TBC1D9B: variants seen among roughly 807,000 people sequenced by gnomAD.
TBC1D9B encodes the protein TBC1 domain family member 9B, also known as TBC1 domain family, member 9B (with GRAM domain).
Under a neutral mutation model 121.1 loss-of-function variants are expected in TBC1D9B, and 87 were observed. The ratio of observed to expected loss-of-function variants is 0.72; its 90% CI spans 0.60 to 0.86. The LOEUF is 0.86. TBC1D9B is among the 40% of genes least tolerant of loss of function. The probability of loss-of-function intolerance (pLI) is 0.00; values close to 1 mark genes in which losing one functional copy is unlikely to be tolerated. For missense variants in TBC1D9B, 1,540 were observed against 1,628.6 expected (o/e 0.95, Z 0.94); for synonymous variants, 668 against 670.1 (o/e 1.00, Z 0.05).
chr5:179,874,768 C>T lies in TBC1D9B; in HGVS notation c.2186+134G>A. On this transcript the variant is annotated intron_variant, in intron 12 of 20. Transcript: ENST00000355235. This position sits in a 1 kb window ranked among gnomAD's most constrained non-coding sequence, Gnocchi z 4.3. ...ACTAGAAAGGAGCCGCCTCCTGACC[C>T]CAGAGCACCCCCGGGTCCAGCTGCA... 1 of 1,344,526 alleles carries T rather than the reference C, an allele frequency of 7.4e-7. No homozygotes were observed. Among genetic ancestry groups the T allele is most frequent in the Middle Eastern group, 2.7e-4 (1 of 3,758 alleles). The allele number at this position is 1,344,526 out of a possible 1,614,324, so 83.3% of individuals were successfully genotyped here. A position where few individuals can be genotyped will look rare whatever the true frequency, so the allele number is the denominator to read the frequency against.
In TBC1D9B at chr5:179,863,929, A is replaced by G. The variant is rs768916841; in HGVS notation, c.3221T>C (p.Leu1074Pro). 12 of 1,613,788 alleles carry G rather than the reference A, an allele frequency of 7.4e-6. No individual in the cohort carries two copies. The highest frequency in any genetic ancestry group is 6.7e-5 in the African/African-American group (5 of 74,908). The change falls in exon 21 of 21, where the codon CTG becomes CCG. Residue 1074 changes from leucine to proline, a missense_variant. Transcript: ENST00000355235. This position sits in a 1 kb window ranked among gnomAD's most constrained non-coding sequence, Gnocchi z 4.5. The part of the protein sequence containing the change: ...TEEDEPPAPE[L>P]HQDAARELQP... ...AAGCTCCCTGGCTGCGTCCTGATGC[A>G]GTTCGGGTGCTGGTGGCTCGTCCTC...
At chr5:179,899,358 T>G in intron 2 of TBC1D9B, 51 bp from the exon 3 acceptor site, 4 of 1,473,718 alleles carry the variant, frequency 2.7e-6, no homozygotes, top group Non-Finnish European at 3.8e-6. Flanking sequence ...CCCCAGGCCT[T>G]AAACGCACAT....
At chr5:179,864,587 G>A (rs1242134322) in intron 20 of TBC1D9B, among the ~76,000 whole-genome samples, 1 of 151,956 alleles carries the variant, frequency 6.6e-6, no homozygotes, top group East Asian at 1.9e-4. Flanking sequence ...GGGGGATCCT[G>A]GGGAGGGGGG....
chr5:179,872,926 A>C lies in TBC1D9B; in HGVS notation c.2381T>G (p.Ile794Ser), dbSNP rs756781087. Residue 794 changes from isoleucine to serine, a missense_variant, in exon 14 of 21, where the codon ATC becomes AGC. Ile to Ser is a moderately radical substitution (Grantham distance 142). Coordinates refer to ENST00000355235, the MANE Select transcript of TBC1D9B (RefSeq NM_015043.4). ...QMRFKQRLKV[I>S]QSLEDTAKRS... The stretch of plus-strand genomic sequence containing the variant: ...CTTGGCCGTGTCCTCCAAGGACTGG[A>C]TCACTTTCAGCCTCTGTTTAAACCG... 1 of 1,545,674 alleles carries C rather than the reference A, an allele frequency of 6.5e-7. No individual in the cohort carries two copies. Among genetic ancestry groups the C allele is most frequent in the Non-Finnish European group, 8.7e-7 (1 of 1,148,280 alleles).
At position 179,891,962 on chromosome 5, in the gene TBC1D9B, T is replaced by A. The variant is rs1760880394; in HGVS notation, c.837-376A>T. ...ACTCAGATGGAGGGCCCCGGGCAGC[T>A]CTTCCACCCTGGGCAGGCCTAACCC... On this transcript the variant is annotated intron_variant, in intron 5 of 20. Coordinates refer to ENST00000355235, the MANE Select transcript of TBC1D9B (RefSeq NM_015043.4). The surrounding 1 kb of genome is among the most constrained non-coding windows in gnomAD (Gnocchi z 4.3). Among the ~76,000 whole-genome samples the A allele has an allele frequency of 6.6e-6, 1 of 152,040 alleles. No homozygotes were observed. The highest frequency in any genetic ancestry group is 6.5e-5 in the Admixed American group (1 of 15,272).
At position 179,870,428 on chromosome 5, in the gene TBC1D9B, A is replaced by C; in HGVS notation, c.2552T>G (p.Leu851Arg). 6.2e-7 allele frequency: 1 copy of C among 1,613,482 alleles called. No homozygotes were observed. Residue 851 changes from leucine to arginine, a missense_variant, in exon 16 of 21, where the codon CTG becomes CGG. Transcript: ENST00000355235. Reference sequence around the variant, plus strand: ...AATCCGGTACTGCTCCAGGTAGGGCAGGCTGGGGTCCCGACGGCCGGCCAT... The same window carrying C: ...AATCCGGTACTGCTCCAGGTAGGGCCGGCTGGGGTCCCGACGGCCGGCCAT... ...RTMAGRRDPSLPYLEQYRIDA... is the reference protein window; with the variant it reads ...RTMAGRRDPSRPYLEQYRIDA...
At chr5:179,898,512 G>A (rs925668627) in intron 3 of TBC1D9B, among the ~76,000 whole-genome samples, 12 of 150,344 alleles carry the variant, frequency 8.0e-5, no homozygotes, top group African/African-American at 2.9e-4. Context: ...GCAGTGGCAC[G>A]ATCTCAGCTC....
chr5:179,875,027 G>C lies in TBC1D9B; in HGVS notation c.2061C>G (p.Ile687Met). Residue 687 changes from isoleucine (I) to methionine (M), a missense_variant, in exon 12 of 21, where the codon ATC becomes ATG. Transcript: ENST00000355235. This position sits in a 1 kb window ranked among gnomAD's most constrained non-coding sequence, Gnocchi z 4.5. ...SVMPFESAVV[I>M]VDCFFYEGIK... ...TGCCCTCATAGAAAAAGCAGTCGAC[G>C]ATGACCACGGCGCTCTCGAAGGGCA... The C allele has an allele frequency of 1.2e-6, 2 of 1,614,068 alleles. No individual in the cohort carries two copies. The highest frequency in any genetic ancestry group is 1.7e-6 in the Non-Finnish European group (2 of 1,180,030).
intron 5 of TBC1D9B, among the ~76,000 whole-genome samples, chr5:179,892,190 C>T (rs185337303): frequency 2.6e-5 from 4 of 152,362 alleles, no homozygotes; most frequent in South Asian, 2.1e-4. Flanking sequence ...TGCCCTGGGC[C>T]GCAGTGGCCT....
At chr5:179,884,469 C>T (rs962205264) in intron 7 of TBC1D9B, 2 of 152,140 alleles carry the variant, frequency 1.3e-5, no homozygotes, top group Admixed American at 1.3e-4. Context: ...ACGGAGGTTC[C>T]TTGAAATATT....
chr5:179,900,653 T>C (rs1430561046), intron 2 of TBC1D9B, among the ~76,000 whole-genome samples: 1 of 152,138 alleles, frequency 6.6e-6, no homozygotes, highest in Non-Finnish European at 1.5e-5. Context: ...CATAACTGTT[T>C]TACATGTTTC....
In TBC1D9B at chr5:179,863,346, G is replaced by C. The variant is rs1194419445; in HGVS notation, c.*102C>G. ...ACTCACTGCTCCTGGGAGAGCAGGA[G>C]GGGCACACCTTTAAAGAGAAACTGA... On this transcript the variant is annotated 3_prime_UTR_variant, in exon 21 of 21. Transcript: ENST00000355235. The surrounding 1 kb of genome is among the most constrained non-coding windows in gnomAD (Gnocchi z 4.5). 1.5e-6 allele frequency: 2 copies of C among 1,343,596 alleles called. No individual in the cohort carries two copies. Among genetic ancestry groups the C allele is most frequent in the Non-Finnish European group, 2.0e-6 (2 of 983,782 alleles). 83.2% of individuals were successfully genotyped at this position (1,343,596 alleles called of 1,614,324 possible).
At chr5:179,905,537 C>T (rs572848071) in intron 1 of TBC1D9B, among the ~76,000 whole-genome samples, 1 of 152,304 alleles carries the variant, frequency 6.6e-6, no homozygotes, top group East Asian at 1.9e-4. Flanking sequence ...GAGGGCATTT[C>T]AAGTTTTTCT....
At chr5:179,893,171 C>A in intron 5 of TBC1D9B, 38 bp downstream of exon 5, 2 of 1,562,964 alleles carry the variant, frequency 1.3e-6, no homozygotes, top group Non-Finnish European at 8.7e-7. Flanking sequence ...GCGAACCTGG[C>A]TCACATGAGC....
rs1442839695 is a variant in TBC1D9B, at chr5:179,891,368, G to C, written c.1044+11C>G. On this transcript the variant is annotated intron_variant, in intron 6 of 20. Coordinates refer to ENST00000355235, the MANE Select transcript of TBC1D9B (RefSeq NM_015043.4). The surrounding 1 kb of genome is among the most constrained non-coding windows in gnomAD (Gnocchi z 4.3). ...GGAAAGGCCTTGGCCTCTCAACTAG[G>C]GGATGCTGACCTCCCTCAGGGGTAT... is the stretch of plus-strand genomic sequence containing the variant. 1.9e-6 allele frequency: 3 copies of C among 1,614,130 alleles called. No homozygotes were observed. The highest frequency in any genetic ancestry group is 2.5e-6 in the Non-Finnish European group (3 of 1,180,018).
Position 179,872,975 on chromosome 5 carries a change from T to C in TBC1D9B, c.2332A>G (p.Arg778Gly). 1 of 1,613,784 alleles carries C rather than the reference T, an allele frequency of 6.2e-7. No individual in the cohort carries two copies. The highest frequency in any genetic ancestry group is 1.3e-5 in the African/African-American group (1 of 75,000). ...CGCATCTGCTCAATGTCTTCGGCCC[T>C]CAGGCTGCTGAATTTCTATAGGGAG... ...KVSYEKFSSL[R>G]AEDIEQMRFK... The change falls in exon 14 of 21, where the codon AGG becomes GGG. Residue 778 changes from arginine (R) to glycine (G), a missense_variant. Physicochemically the swap from Arg to Gly is moderately radical, Grantham distance 125. Transcript: ENST00000355235.
At chr5:179,896,496 T>C (rs1761020673) in intron 3 of TBC1D9B, among the ~76,000 whole-genome samples, 1 of 152,184 alleles carries the variant, frequency 6.6e-6, no homozygotes. Flanking sequence ...AATTAATAAA[T>C]GTTATTCTAA....
intron 7 of TBC1D9B, among the ~76,000 whole-genome samples, chr5:179,880,699 A>G (rs1760517338): frequency 6.6e-6 from 1 of 152,102 alleles, no homozygotes; most frequent in South Asian, 2.1e-4. Context: ...TTGCGTATCA[A>G]TTTTACCTCA....
intron 2 of TBC1D9B, among the ~76,000 whole-genome samples, chr5:179,903,465 C>T (rs1378326052): frequency 6.6e-6 from 1 of 152,176 alleles, no homozygotes; most frequent in Non-Finnish European, 1.5e-5. Context: ...TCTCGTTATT[C>T]AGGTGGTCAG....
Sources: gnomAD v4.1 joint callset for allele counts (sites outside exome capture counted in the v4.1 genomes callset) on GRCh38, gnomAD v4.1.1 for gene constraint, Gnocchi (gnomAD v3.1) non-coding constraint, MANE v1.5 for transcripts, NCBI Gene and HGNC (gene_info 2026-07-23, HGNC 2026-07-21) for gene names.